ANKRD11: variants seen among roughly 807,000 people sequenced by gnomAD.
ANKRD11 encodes the protein ankyrin repeat domain-containing protein 11.
ANKRD11 carries 17 observed loss-of-function variants against 195.7 expected under a neutral mutation model. The observed-to-expected ratio is 0.09, with a 90% CI of 0.06 to 0.13. ANKRD11 has a LOEUF of 0.13. ANKRD11 is among the 10% of genes least tolerant of loss of function. The pLI, the probability that ANKRD11 is intolerant of heterozygous loss-of-function variation, is 1.00. For missense variants in ANKRD11, 3,735 were observed against 3,566.1 expected (o/e 1.05, Z -1.21); for synonymous variants, 1,953 against 1,528.1 (o/e 1.28, Z -6.49).
chr16:89,295,642 C>T (rs1361017152), intron 4 of ANKRD11, among the ~76,000 whole-genome samples: 1 of 152,050 alleles, frequency 6.6e-6, no homozygotes, highest in African/African-American at 2.4e-5. Flanking sequence ...CCTGCCCCTG[C>T]ATCCAGCCAT....
intron 2 of ANKRD11, among the ~76,000 whole-genome samples, chr16:89,398,461 G>A (rs1215391402): frequency 7.2e-6 from 1 of 138,440 alleles, no homozygotes; most frequent in African/African-American, 2.8e-5. Context: ...AAGATTACCT[G>A]TAACCTCAGC....
At chr16:89,416,562 T>C (rs1446914294) in intron 2 of ANKRD11, among the ~76,000 whole-genome samples, 1 of 152,138 alleles carries the variant, frequency 6.6e-6, no homozygotes, top group Admixed American at 6.5e-5. Context: ...CATCTCAAAG[T>C]GCTGGGATTA....
chr16:89,381,331 CAAAAAAAAAAAAA>C (rs10567322), intron 2 of ANKRD11, among the ~76,000 whole-genome samples: 3 of 76,354 alleles, frequency 3.9e-5, no homozygotes, highest in Non-Finnish European at 7.0e-5. Flanking sequence ...GACTCTGCTG[CAAAAAAAAAAAAA>C]AAAAAAAAAA....
chr16:89,281,759 C>T lies in ANKRD11; in HGVS notation c.4783G>A (p.Glu1595Lys). The change falls in exon 9 of 13, where the codon GAG (glutamate) becomes AAG (lysine). Residue 1595 changes from glutamate (E) to lysine (K), a missense_variant. Transcript: ENST00000301030. The surrounding 1 kb of genome is among the most constrained non-coding windows in gnomAD (Gnocchi z 5.5). ...TCCTTGTGCCGCTTGTGGCGCTCCT[C>T]GATCTCCAGGTCCTTCTGGGACAGC... is the stretch of plus-strand genomic sequence containing the variant. ...RMLSQKDLEI[E>K]ERHKRHKERM... is the part of the protein sequence containing the mutation. 1.2e-6 allele frequency: 2 copies of T among 1,614,052 alleles called. No individual in the cohort carries two copies. Among genetic ancestry groups the T allele is most frequent in the Non-Finnish European group, 1.7e-6 (2 of 1,180,006 alleles).
In ANKRD11 at chr16:89,281,352, A is replaced by G; in HGVS notation, c.5190T>C (p.Asp1730=). The G allele has an allele frequency of 6.2e-7, 1 of 1,611,708 alleles. No individual in the cohort carries two copies. Among genetic ancestry groups the G allele is most frequent in the Non-Finnish European group, 8.5e-7 (1 of 1,178,158 alleles). The change falls in exon 9 of 13, where the codon GAT becomes GAC. Residue 1730 remains aspartate (D), a synonymous_variant. Transcript: ENST00000301030. The surrounding 1 kb of genome is among the most constrained non-coding windows in gnomAD (Gnocchi z 5.5). The part of the protein sequence containing the change: ...HTPRTPSCSA[D]DYADLVFDCA... ...AGTCGAACACGAGGTCCGCGTAGTC[A>G]TCGGCGCTGCAGGACGGGGTCCTGG...
At chr16:89,430,560 T>C (rs2911263) in intron 1 of ANKRD11, among the ~76,000 whole-genome samples, 166 of 131,322 alleles carry the variant, frequency 1.3e-3, no homozygotes, top group East Asian at 3.7e-3. Context: ...ACAGCAGGGA[T>C]TCTCAACTCT....
chr16:89,444,772 C>T (rs1001063592), intron 1 of ANKRD11, among the ~76,000 whole-genome samples: 28 of 151,946 alleles, frequency 1.8e-4, no homozygotes, highest in Admixed American at 1.5e-3. Flanking sequence ...AGCCAGATCC[C>T]GTCTCTGTTA....
In ANKRD11 at chr16:89,275,072, TG is replaced by T. The variant is rs1199523507; in HGVS notation, c.7569+20del. The T allele has an allele frequency of 6.2e-7, 1 of 1,612,666 alleles. No individual in the cohort carries two copies. The highest frequency in any genetic ancestry group is 8.5e-7 in the Non-Finnish European group (1 of 1,179,602). On this transcript the variant is annotated intron_variant, in intron 10 of 12. Coordinates refer to ENST00000301030, the MANE Select transcript of ANKRD11 (RefSeq NM_013275.6). ...AAAAGCCCTGGCCGTGGCGCCCCCCTGCCTGTGCCAGCCCACTTACCCGCTC... is the reference window on the plus strand; with the variant it reads ...AAAAGCCCTGGCCGTGGCGCCCCCCTCCTGTGCCAGCCCACTTACCCGCTC...
intron 2 of ANKRD11, among the ~76,000 whole-genome samples, chr16:89,381,269 T>C (rs1597215901): frequency 7.0e-6 from 1 of 142,426 alleles, no homozygotes; most frequent in African/African-American, 2.7e-5. Flanking sequence ...GAGGCGGAGG[T>C]TGCAGTGAGG....
chr16:89,354,707 C>T (rs1030795242), intron 2 of ANKRD11, among the ~76,000 whole-genome samples: 2 of 152,176 alleles, frequency 1.3e-5, no homozygotes, highest in Non-Finnish European at 2.9e-5. Context: ...CACGGTGAAA[C>T]CACGTCTCTA....
chr16:89,306,486 C>T (rs1358022464), intron 3 of ANKRD11, among the ~76,000 whole-genome samples: 10 of 107,768 alleles, frequency 9.3e-5, no homozygotes, highest in African/African-American at 3.0e-4. Flanking sequence ...CGCAGACACG[C>T]GCCACCTCCC....
chr16:89,328,845 G>A (rs866944443), intron 2 of ANKRD11: 5 of 126,694 alleles, frequency 3.9e-5, no homozygotes, highest in African/African-American at 1.6e-4. Flanking sequence ...ATACCCAGGA[G>A]CACGGGCGAA....
At chr16:89,376,542 A>G (rs139556274) in intron 2 of ANKRD11, among the ~76,000 whole-genome samples, 5,025 of 152,170 alleles carry the variant, frequency 0.033, 289 homozygotes, top group African/African-American at 0.11. Flanking sequence ...GGTTCAAGCT[A>G]TTCTCCTGCC....
intron 2 of ANKRD11, among the ~76,000 whole-genome samples, chr16:89,357,816 G>A (rs2039555252): frequency 6.6e-6 from 1 of 152,222 alleles, no homozygotes; most frequent in Non-Finnish European, 1.5e-5. Context: ...CCAATCCATG[G>A]CCACAGGACA....
In ANKRD11 at chr16:89,279,426, G is replaced by T. The variant is rs889244275; in HGVS notation, c.7116C>A (p.Arg2372=). The change falls in exon 9 of 13, where the codon CGC becomes CGA. Residue 2372 remains arginine, a synonymous_variant. Coordinates refer to ENST00000301030, the MANE Select transcript of ANKRD11 (RefSeq NM_013275.6). The surrounding 1 kb of genome is among the most constrained non-coding windows in gnomAD (Gnocchi z 5.6). ...CCTGGGCGTCGTCGTCCTCGGAGCC[G>T]CGGGCCTTGGCCCTGGTGACCGGGG... ...TPAPVTRAKA[R]GSEDDDAQAQ... 1 of 1,521,798 alleles carries T rather than the reference G, an allele frequency of 6.6e-7. No individual in the cohort carries two copies. Among genetic ancestry groups the T allele is most frequent in the Admixed American group, 2.0e-5 (1 of 50,924 alleles). 94.3% of individuals were successfully genotyped at this position (1,521,798 alleles called of 1,614,324 possible).
At chr16:89,398,178 C>A (rs577715522) in intron 2 of ANKRD11, among the ~76,000 whole-genome samples, 3 of 152,006 alleles carry the variant, frequency 2.0e-5, no homozygotes, top group Admixed American at 1.3e-4. Flanking sequence ...CTCTGGGAGG[C>A]TGACATGAGG....
At chr16:89,381,453 A>T (rs1415628349) in intron 2 of ANKRD11, among the ~76,000 whole-genome samples, 1 of 152,140 alleles carries the variant, frequency 6.6e-6, no homozygotes, top group African/African-American at 2.4e-5. Context: ...TTGTATAAGG[A>T]GCAAGAGCTT....
chr16:89,403,982 A>C (rs1272372497), intron 2 of ANKRD11, among the ~76,000 whole-genome samples: 1 of 152,226 alleles, frequency 6.6e-6, no homozygotes, highest in Non-Finnish European at 1.5e-5. Flanking sequence ...GAGCAAGATT[A>C]TAAAACTAAA....
chr16:89,282,297 C>T lies in ANKRD11; in HGVS notation c.4245G>A (p.Glu1415=). The T allele has an allele frequency of 6.2e-7, 1 of 1,614,138 alleles. No individual in the cohort carries two copies. Among genetic ancestry groups the T allele is most frequent in the Non-Finnish European group, 8.5e-7 (1 of 1,180,034 alleles). The change falls in exon 9 of 13, where the codon GAG becomes GAA. Residue 1415 remains glutamate (E), a synonymous_variant. Coordinates refer to ENST00000301030, the MANE Select transcript of ANKRD11 (RefSeq NM_013275.6). ...SYNMKADIED[E]LDKTIELFST... ...AAAACAATTCAATGGTTTTATCTAG[C>T]TCATCTTCTATGTCAGCTTTCATGT...
Sources: allele counts gnomAD v4.1 joint callset (sites outside exome capture counted in the v4.1 genomes callset), GRCh38; gene constraint gnomAD v4.1.1; non-coding constraint Gnocchi (gnomAD v3.1); transcripts MANE v1.5; gene names NCBI Gene and HGNC (gene_info 2026-07-23, HGNC 2026-07-21).